MYO5C: variants seen among roughly 807,000 people sequenced by gnomAD.
MYO5C encodes the protein unconventional myosin-Vc.
A neutral mutation model predicts 235.7 loss-of-function variants in MYO5C; 194 were observed. The ratio of observed to expected loss-of-function variants is 0.82; its 90% confidence interval spans 0.73 to 0.93. The LOEUF (loss-of-function observed/expected upper bound fraction) is 0.93, where lower values mean the gene tolerates loss of function less well. Ranked by LOEUF, MYO5C falls within the 40% of genes least tolerant of loss-of-function variation. The probability of loss-of-function intolerance (pLI) is 0.00; values close to 1 mark genes in which losing one functional copy is unlikely to be tolerated. For synonymous variants in MYO5C, 707 were observed against 754.8 expected, an observed-to-expected ratio of 0.94 and a Z score of 1.04; for missense variants, 2,038 against 2,127.2, an observed-to-expected ratio of 0.96 and a Z score of 0.82.
Position 52,253,269 on chromosome 15 carries a change from T to G in MYO5C, c.1536+48A>C, listed in dbSNP as rs553520571. 10 of 1,568,090 alleles carry G rather than the reference T, an allele frequency of 6.4e-6. No individual in the cohort carries two copies. In the African/African-American group the frequency reaches 1.2e-4, roughly 19 times the overall value. On this transcript the variant is annotated intron_variant, in intron 12 of 40. Coordinates refer to ENST00000261839, the MANE Select transcript of MYO5C (RefSeq NM_018728.4). ...AAAAAACTGCTTTGCAAAATGCTCATCTGTTACTACTTAAAAGCTGAAAAA... is the reference window on the plus strand; with the variant it reads ...AAAAAACTGCTTTGCAAAATGCTCAGCTGTTACTACTTAAAAGCTGAAAAA...
In MYO5C at chr15:52,239,824, GC is replaced by G; in HGVS notation, c.2611del (p.Ala871ProfsTer42). The G allele has an allele frequency of 1.2e-6, 2 of 1,613,022 alleles. No homozygotes were observed. Among genetic ancestry groups the G allele is most frequent in the Non-Finnish European group, 1.7e-6 (2 of 1,179,500 alleles). On this transcript the variant is annotated frameshift_variant, in exon 21 of 41. Transcript: ENST00000261839. LOFTEE classifies it high-confidence loss of function. ...ILQKYARAWLARRRFQSIRRF... is the reference protein window; with the variant it reads ...ILQKYARAWLXRRRFQSIRRF... ...TCGGATACTCTGGAATCTGCGTCTGGCCAGCCACGCCCGTGCGTATTTCTGT... is the reference window on the plus strand; with the variant it reads ...TCGGATACTCTGGAATCTGCGTCTGGCAGCCACGCCCGTGCGTATTTCTGT...
chr15:52,295,506 C>G (rs1304622203), intron 1 of MYO5C, 104 bp downstream of exon 1: 4 of 1,331,458 alleles, frequency 3.0e-6, no homozygotes, highest in East Asian at 3.1e-5. Context: ...CCTGCCGTGT[C>G]AGGTGCGCAG....
At chr15:52,198,870 G>C (rs528814007) in intron 38 of MYO5C, among the ~76,000 whole-genome samples, 1 of 147,084 alleles carries the variant, frequency 6.8e-6, no homozygotes, top group South Asian at 2.2e-4. Flanking sequence ...GTGAGCCACC[G>C]CGCCTGGCCT....
chr15:52,295,501 C>T (rs1318458674), intron 1 of MYO5C, 109 bp downstream of exon 1: 4 of 1,299,212 alleles, frequency 3.1e-6, no homozygotes, highest in Non-Finnish European at 4.1e-6. Flanking sequence ...CCCGCCCTGC[C>T]GTGTCAGGTG....
intron 24 of MYO5C, 148 bp from the exon 25 acceptor site, chr15:52,229,461 T>A: frequency 1.5e-6 from 1 of 689,012 alleles, no homozygotes; most frequent in Non-Finnish European, 2.3e-6. Flanking sequence ...CCGTCCCCAC[T>A]AAAAATACAA....
At position 52,276,113 on chromosome 15, in the gene MYO5C, T is replaced by C. The variant is rs570560328; in HGVS notation, c.450-395A>G. 5.9e-5 allele frequency among the ~76,000 whole-genome samples: 9 copies of C among 152,302 alleles called. No individual in the cohort carries two copies. The East Asian group carries it at 1.7e-3, about 29-fold the overall frequency. The stretch of plus-strand genomic sequence containing the variant: ...CTCTCCTGAGCACCCTCTTTCTAGA[T>C]GGACCCTGTGTAGGTCATCATGCTG... On this transcript the variant is annotated intron_variant, in intron 4 of 40. Transcript: ENST00000261839.
intron 10 of MYO5C, among the ~76,000 whole-genome samples, chr15:52,259,215 T>C (rs2036640546): frequency 6.6e-6 from 1 of 151,890 alleles, no homozygotes; most frequent in African/African-American, 2.4e-5. Context: ...GGTCAGGAGA[T>C]CGAGACCATC....
chr15:52,291,963 C>T (rs1385111116), intron 1 of MYO5C, among the ~76,000 whole-genome samples: 7 of 151,510 alleles, frequency 4.6e-5, no homozygotes, highest in East Asian at 1.9e-4. Context: ...ATGGTCTCGA[C>T]CTCCTGACCT....
At chr15:52,222,948 G>A (rs1419762430) in intron 29 of MYO5C, among the ~76,000 whole-genome samples, 7 of 152,028 alleles carry the variant, frequency 4.6e-5, no homozygotes, top group Non-Finnish European at 8.8e-5. Context: ...TCAGGAGTTC[G>A]AGACTAGCCT....
rs2035785654 is a variant in MYO5C, at chr15:52,224,914, T to G, written c.3433A>C (p.Lys1145Gln). Residue 1145 changes from lysine (K) to glutamine (Q), a missense_variant, in exon 28 of 41, where the codon AAG becomes CAG. Physicochemically the swap from Lys to Gln is moderately conservative, Grantham distance 53. Transcript: ENST00000261839. ...AGAATTTCTAACCGTGTTGCTTTCT[T>G]TAGTCCTTCATAAGCAAACCAAAGT... ...GELWFAYEGL[K>Q]KATRVLESHF... is the part of the protein sequence containing the mutation. 6.2e-7 allele frequency: 1 copy of G among 1,613,310 alleles called. No homozygotes were observed. The highest frequency in any genetic ancestry group is 8.5e-7 in the Non-Finnish European group (1 of 1,179,632).
intron 3 of MYO5C, 132 bp from the exon 4 acceptor site, chr15:52,279,149 C>T (rs1198317316): frequency 1.1e-6 from 1 of 938,334 alleles, no homozygotes; most frequent in Non-Finnish European, 1.6e-6. Flanking sequence ...TCACTTCACG[C>T]ACTGAATTAA....
chr15:52,232,688 GT>G lies in MYO5C; in HGVS notation c.2963-4del, dbSNP rs1210059510. The G allele has an allele frequency of 6.2e-7, 1 of 1,613,200 alleles. No homozygotes were observed. The highest frequency in any genetic ancestry group is 1.7e-5 in the Admixed American group (1 of 59,904). ...CTTGGTGAGGTTGTCCATTTTTTCT[GT>G]AAAAAGAGAATGCTTTTTGAGATAT... is the stretch of plus-strand genomic sequence containing the variant. On this transcript the variant is annotated splice_region_variant and splice_polypyrimidine_tract_variant and intron_variant, in intron 23 of 40. Transcript: ENST00000261839.
At chr15:52,235,201 G>A (rs1339132259) in intron 23 of MYO5C, among the ~76,000 whole-genome samples, 1 of 152,150 alleles carries the variant, frequency 6.6e-6, no homozygotes, top group Non-Finnish European at 1.5e-5. Context: ...AAGTAACTCC[G>A]ACAGATCAGA....
rs1282926553 is a variant in MYO5C at position 52,252,823 on chromosome 15, T to C, written c.1536+494A>G. ...CCCGAAACCTTATTAATCCTCACTT[T>C]GGGATTATTTGTTCTTGTGGCCCCA... On this transcript the variant is annotated intron_variant, in intron 12 of 40. Coordinates refer to ENST00000261839, the MANE Select transcript of MYO5C (RefSeq NM_018728.4). Among the ~76,000 whole-genome samples, 7 of 151,988 alleles carry C rather than the reference T, an allele frequency of 4.6e-5. No individual in the cohort carries two copies. The East Asian group carries it at 1.3e-3, about 29-fold the overall frequency.
rs980707223 is a variant in MYO5C at position 52,264,181 on chromosome 15, G to A, written c.1047+9C>T. 1.3e-6 allele frequency: 2 copies of A among 1,588,628 alleles called. No homozygotes were observed. The highest frequency in any genetic ancestry group is 1.7e-6 in the Non-Finnish European group (2 of 1,157,984). On this transcript the variant is annotated intron_variant, in intron 9 of 40. Transcript: ENST00000261839. ...GACAAAGGAAAAGTAAAACAAATGA[G>A]CATCTCACACTAACTGAGGACCTCT...
chr15:52,242,879 G>A (rs1198975984), intron 19 of MYO5C: 1 of 152,256 alleles, frequency 6.6e-6, no homozygotes, highest in African/African-American at 2.4e-5. Flanking sequence ...GGACCAGCAT[G>A]AGTAAAGGCA....
intron 35 of MYO5C, among the ~76,000 whole-genome samples, chr15:52,211,301 C>G (rs934597675): frequency 6.6e-6 from 1 of 152,198 alleles, no homozygotes; most frequent in Non-Finnish European, 1.5e-5. Flanking sequence ...CTAACTAATA[C>G]ACAGTTCATC....
intron 37 of MYO5C, 110 bp from the exon 38 acceptor site, chr15:52,205,257 T>G: frequency 8.3e-7 from 1 of 1,211,848 alleles, no homozygotes; most frequent in East Asian, 2.4e-5. Context: ...CAAGAGTCAG[T>G]GGATGTACTT....
chr15:52,240,910 A>G (rs2036205658), intron 20 of MYO5C, among the ~76,000 whole-genome samples: 2 of 152,188 alleles, frequency 1.3e-5, no homozygotes, highest in Non-Finnish European at 2.9e-5. Context: ...CTTTTGTCCT[A>G]TCTCAACCCC....
Sources: gnomAD v4.1 joint callset for allele counts (sites outside exome capture counted in the v4.1 genomes callset) on GRCh38, gnomAD v4.1.1 for gene constraint, MANE v1.5 for transcripts, NCBI Gene and HGNC (gene_info 2026-07-23, HGNC 2026-07-21) for gene names.